Variants in DPP10 observed in about 807,000 individuals in gnomAD.
DPP10 encodes inactive dipeptidyl peptidase 10.
Under a neutral mutation model 120.9 loss-of-function variants are expected in DPP10, and 33 were observed. The observed-to-expected ratio is 0.27, with a 90% CI of 0.21 to 0.37. The LOEUF is 0.37. Among genes scored for constraint, DPP10 ranks in the 10% least tolerant of loss-of-function variants. The pLI, the probability that DPP10 is intolerant of heterozygous loss-of-function variation, is 1.00. For synonymous variants in DPP10, 337 were observed against 326.1 expected, an observed-to-expected ratio of 1.03 and a Z score of -0.36; for missense variants, 816 against 942.8, an observed-to-expected ratio of 0.87 and a Z score of 1.76.
At chr2:114,806,901 T>C (rs575057505) in intron 1 of DPP10, among the ~76,000 whole-genome samples, 12 of 152,296 alleles carry the variant, frequency 7.9e-5, no homozygotes, top group African/African-American at 2.9e-4. Context: ...TTCCAAAATA[T>C]TTTAAAACCA....
chr2:114,487,923 T>C (rs1227566020), intron 1 of DPP10, among the ~76,000 whole-genome samples: 1 of 152,050 alleles, frequency 6.6e-6, no homozygotes, highest in African/African-American at 2.4e-5. Context: ...GAACAGGAAA[T>C]AACTTACATG....
At chr2:114,650,798 T>G (rs1696525315) in intron 1 of DPP10, among the ~76,000 whole-genome samples, 1 of 152,108 alleles carries the variant, frequency 6.6e-6, no homozygotes, top group Non-Finnish European at 1.5e-5. Context: ...CATCCCCACA[T>G]CCTACATAAC....
chr2:115,429,255 G>A (rs843395), intron 3 of DPP10, among the ~76,000 whole-genome samples: 95,466 of 151,550 alleles, frequency 0.63, 30,803 homozygotes, highest in Middle Eastern at 0.74. Context: ...AATTGTATAC[G>A]TGCATCTGCT....
chr2:114,615,523 A>G (rs144002040), intron 1 of DPP10, among the ~76,000 whole-genome samples: 1 of 152,270 alleles, frequency 6.6e-6, no homozygotes, highest in Non-Finnish European at 1.5e-5. Context: ...TAGTCAAAGT[A>G]TTCAGTGGCA....
At chr2:115,506,920 ATG>A (rs2076974342) in intron 4 of DPP10, among the ~76,000 whole-genome samples, 1 of 152,100 alleles carries the variant, frequency 6.6e-6, no homozygotes, top group African/African-American at 2.4e-5. Context: ...AAATATTGTG[ATG>A]ACTATAACCT....
intron 1 of DPP10, among the ~76,000 whole-genome samples, chr2:114,617,639 A>G (rs1434447756): frequency 6.6e-6 from 1 of 152,072 alleles, no homozygotes; most frequent in Non-Finnish European, 1.5e-5. Flanking sequence ...TCACTCATTT[A>G]AAGGCTGTAT....
chr2:115,552,892 A>T (rs1354124070), intron 5 of DPP10, among the ~76,000 whole-genome samples: 2 of 152,050 alleles, frequency 1.3e-5, no homozygotes, highest in African/African-American at 4.8e-5. Context: ...TTGATTTTAG[A>T]CAAGAAAATA....
intron 1 of DPP10, among the ~76,000 whole-genome samples, chr2:114,957,609 A>G (rs1271412866): frequency 6.6e-6 from 1 of 152,224 alleles, no homozygotes; most frequent in East Asian, 1.9e-4. Context: ...TTCCAAAGGA[A>G]TGGAAATCAG....
intron 4 of DPP10, among the ~76,000 whole-genome samples, chr2:115,508,155 C>G (rs1454170138): frequency 6.6e-6 from 1 of 151,928 alleles, no homozygotes; most frequent in African/African-American, 2.4e-5. Context: ...TTTTAGAAGC[C>G]TGGTTGAAAA....
intron 2 of DPP10, among the ~76,000 whole-genome samples, chr2:115,325,688 T>G (rs1403823186): frequency 6.6e-6 from 1 of 151,932 alleles, no homozygotes; most frequent in Non-Finnish European, 1.5e-5. Context: ...CAATTACATA[T>G]AAATATAAAT....
chr2:114,532,294 T>C (rs370778758), intron 1 of DPP10, among the ~76,000 whole-genome samples: 19,007 of 62,316 alleles, frequency 0.31, 2,135 homozygotes, highest in Non-Finnish European at 0.37. Context: ...TATATATATA[T>C]ATACACACAC....
chr2:115,030,153 A>C (rs1041929875), intron 1 of DPP10, among the ~76,000 whole-genome samples: 1 of 152,030 alleles, frequency 6.6e-6, no homozygotes, highest in Non-Finnish European at 1.5e-5. Context: ...AAGATCAGGC[A>C]AACTTGAGCC....
At chr2:115,540,361 C>A (rs2079105018) in intron 5 of DPP10, among the ~76,000 whole-genome samples, 1 of 151,834 alleles carries the variant, frequency 6.6e-6, no homozygotes, top group Non-Finnish European at 1.5e-5. Flanking sequence ...GGAACTTAAT[C>A]TGTGAGGTAA....
intron 9 of DPP10, among the ~76,000 whole-genome samples, chr2:115,744,841 T>C (rs866875243): frequency 5.3e-5 from 8 of 150,544 alleles, no homozygotes; most frequent in African/African-American, 9.7e-5. Flanking sequence ...GGTTGTTTAT[T>C]GGATTTTTTA....
chr2:115,835,119 G>A (rs987804078), intron 21 of DPP10, among the ~76,000 whole-genome samples: 1 of 150,652 alleles, frequency 6.6e-6, no homozygotes, highest in African/African-American at 2.5e-5. Flanking sequence ...CTGGACCACA[G>A]AGCAAGACTC....
intron 1 of DPP10, among the ~76,000 whole-genome samples, chr2:115,197,918 A>G (rs908445243): frequency 1.3e-5 from 2 of 152,200 alleles, no homozygotes; most frequent in Non-Finnish European, 2.9e-5. Flanking sequence ...CCCAAAGAGC[A>G]ATTTCAGTAA....
intron 1 of DPP10, among the ~76,000 whole-genome samples, chr2:114,589,884 C>A (rs1017095575): frequency 1.5e-4 from 23 of 151,892 alleles, no homozygotes; most frequent in Non-Finnish European, 3.2e-4. Flanking sequence ...GTTGGAAATA[C>A]AGTCTTTGTT....
chr2:115,700,469 G>A (rs564821666), intron 7 of DPP10, among the ~76,000 whole-genome samples: 37 of 152,070 alleles, frequency 2.4e-4, no homozygotes, highest in Non-Finnish European at 4.3e-4. Flanking sequence ...CAAAATGAAC[G>A]GTGATCATTA....
In DPP10 at chr2:115,842,217, C is replaced by T; in HGVS notation, c.2263C>T (p.Pro755Ser). The change falls in exon 26 of 26, where the codon CCA (proline) becomes TCA (serine). Residue 755 changes from proline to serine, a missense_variant. Around this residue, in one of 3 missense-constraint regions of DPP10, gnomAD observed 592 missense variants for 649.0 expected, o/e 0.91. Transcript: ENST00000410059. ...AGVNYTMQVY[P>S]DEGHNVSEKS... ...TTTCTCCTCAATATCTTAGGTCTAC[C>T]CAGATGAAGGTCATAACGTATCTGA... The T allele has an allele frequency of 6.2e-7, 1 of 1,607,396 alleles. No individual in the cohort carries two copies. The highest frequency in any genetic ancestry group is 1.7e-4 in the Middle Eastern group (1 of 6,036).
Sources: allele counts gnomAD v4.1 joint callset (sites outside exome capture counted in the v4.1 genomes callset), GRCh38; gene constraint gnomAD v4.1.1; regional missense constraint gnomAD v4.1.1; transcripts MANE v1.5; gene names NCBI Gene and HGNC (gene_info 2026-07-23, HGNC 2026-07-21).